ITPR2: variants seen among roughly 807,000 people sequenced by gnomAD.
ITPR2 encodes inositol 1,4,5-trisphosphate-gated calcium channel ITPR2.
A neutral mutation model predicts 317.1 loss-of-function variants in ITPR2; 207 were observed. That is an observed-to-expected ratio of 0.65 (90% CI 0.58 to 0.73). The LOEUF is 0.73. ITPR2 is among the 30% of genes least tolerant of loss of function. The pLI is 0.00. For missense variants in ITPR2, 2,613 were observed against 3,284.0 expected, an observed-to-expected ratio of 0.80 and a Z score of 4.99; for synonymous variants, 1,156 against 1,149.1, an observed-to-expected ratio of 1.01 and a Z score of -0.12.
chr12:26,491,504 A>AG lies in ITPR2; in HGVS notation c.5370+2648_5370+2649insC, dbSNP rs1351933796. Among the ~76,000 whole-genome samples, 43 of 149,616 alleles carry AG rather than the reference A, an allele frequency of 2.9e-4. No homozygotes were observed. In the Middle Eastern group the frequency reaches 0.017, roughly 61 times the overall value. ...TCTCAAAAAAAAAAAAAAAAAAAAA[A>AG]AAAAGGCATCTTTGAAGGCAACACG... On this transcript the variant is annotated intron_variant, in intron 39 of 56. Transcript: ENST00000381340.
intron 1 of ITPR2, among the ~76,000 whole-genome samples, chr12:26,799,164 T>C (rs1283425213): frequency 4.6e-5 from 7 of 152,328 alleles, no homozygotes; most frequent in Admixed American, 4.6e-4. Flanking sequence ...TCACTCAGAG[T>C]TAGAATTGTG....
At chr12:26,528,535 T>C (rs1382282693) in intron 37 of ITPR2, among the ~76,000 whole-genome samples, 4 of 152,212 alleles carry the variant, frequency 2.6e-5, no homozygotes, top group Admixed American at 2.0e-4. Flanking sequence ...ACTGAAAACC[T>C]GCTCAAAATA....
At chr12:26,679,825 C>T (rs563190046) in intron 13 of ITPR2, among the ~76,000 whole-genome samples, 2 of 152,202 alleles carry the variant, frequency 1.3e-5, no homozygotes, top group Non-Finnish European at 2.9e-5. Context: ...CTCCATGTCG[C>T]TTCAAGTCCA....
chr12:26,662,047 G>C (rs973050956), intron 15 of ITPR2, among the ~76,000 whole-genome samples: 3 of 152,108 alleles, frequency 2.0e-5, no homozygotes, highest in Admixed American at 6.5e-5. Flanking sequence ...TTAAGGATTT[G>C]TTTATATCAC....
chr12:26,413,176 A>C (rs1351569226), intron 51 of ITPR2, among the ~76,000 whole-genome samples: 1 of 152,252 alleles, frequency 6.6e-6, no homozygotes, highest in Non-Finnish European at 1.5e-5. Flanking sequence ...AACATTGCTC[A>C]AGTGGCAGCT....
chr12:26,629,402 C>T (rs1190835527), intron 22 of ITPR2, among the ~76,000 whole-genome samples: 1 of 152,166 alleles, frequency 6.6e-6, no homozygotes, highest in Non-Finnish European at 1.5e-5. Context: ...GCCTGGGCAA[C>T]ATGGCGAAGT....
chr12:26,378,118 A>C (rs951719424), intron 55 of ITPR2, among the ~76,000 whole-genome samples: 3 of 152,140 alleles, frequency 2.0e-5, no homozygotes, highest in African/African-American at 7.2e-5. Flanking sequence ...ACAAAGCAGA[A>C]GTGTAAATGC....
chr12:26,357,850 C>A (rs751159341), intron 55 of ITPR2, among the ~76,000 whole-genome samples: 5 of 152,158 alleles, frequency 3.3e-5, no homozygotes, highest in Non-Finnish European at 7.4e-5. Context: ...CTGCCCATGG[C>A]CAGAGGGGAA....
rs914322585 is a variant in ITPR2 at position 26,831,043 on chromosome 12, A to T, written c.92+1647T>A. Among the ~76,000 whole-genome samples the T allele has an allele frequency of 2.0e-5, 3 of 152,030 alleles. No homozygotes were observed. Among genetic ancestry groups the T allele is most frequent in the Admixed American group, 6.6e-5 (1 of 15,234 alleles). On this transcript the variant is annotated intron_variant, in intron 1 of 56. Coordinates refer to ENST00000381340, the MANE Select transcript of ITPR2 (RefSeq NM_002223.4). The surrounding 1 kb of genome is among the most constrained non-coding windows in gnomAD (Gnocchi z 4.9). The stretch of plus-strand genomic sequence containing the variant: ...AAACCCCAAGTATTCTGTCCATGGA[A>T]CCCCCTCTGCTTAACTACTACATCA...
At chr12:26,433,090 G>T (rs1311251717) in intron 48 of ITPR2, among the ~76,000 whole-genome samples, 1 of 152,198 alleles carries the variant, frequency 6.6e-6, no homozygotes, top group Non-Finnish European at 1.5e-5. Flanking sequence ...AACAGATTAA[G>T]ACTAAGCTAA....
At chr12:26,421,994 A>C (rs926537207) in intron 49 of ITPR2, among the ~76,000 whole-genome samples, 9 of 146,818 alleles carry the variant, frequency 6.1e-5, no homozygotes, top group Admixed American at 5.6e-4. Flanking sequence ...TTCTAAAAAA[A>C]AAAGCAAAAT....
At chr12:26,472,757 T>C (rs1226994899) in intron 45 of ITPR2, among the ~76,000 whole-genome samples, 1 of 152,262 alleles carries the variant, frequency 6.6e-6, no homozygotes, top group East Asian at 1.9e-4. Context: ...GGTTGCTTTA[T>C]GTTTTCTATC....
At chr12:26,640,776 A>G (rs1239060450) in intron 21 of ITPR2, among the ~76,000 whole-genome samples, 1 of 152,228 alleles carries the variant, frequency 6.6e-6, no homozygotes, top group African/African-American at 2.4e-5. Flanking sequence ...TTGTGCTTCA[A>G]ATGCATAAAT....
At chr12:26,516,882 C>A (rs961092976) in intron 37 of ITPR2, among the ~76,000 whole-genome samples, 1 of 149,796 alleles carries the variant, frequency 6.7e-6, no homozygotes, top group Non-Finnish European at 1.5e-5. Context: ...TAAAAGAGAA[C>A]GTAAAAGAAA....
chr12:26,690,357 GGCAA>G (rs755998558), intron 10 of ITPR2, among the ~76,000 whole-genome samples: 105,869 of 151,294 alleles, frequency 0.7, 37,232 homozygotes, highest in East Asian at 0.78. Context: ...AGCAATAAAT[GGCAA>G]GCGCCAGTCT....
chr12:26,580,211 C>T (rs970859869), intron 32 of ITPR2, 56 bp from the exon 33 acceptor site: 1 of 1,541,722 alleles, frequency 6.5e-7, no homozygotes, highest in African/African-American at 1.4e-5. Context: ...AACCACAATT[C>T]AGTATTGGAA....
At chr12:26,513,983 C>T (rs1943427259) in intron 37 of ITPR2, among the ~76,000 whole-genome samples, 1 of 152,176 alleles carries the variant, frequency 6.6e-6, no homozygotes, top group Middle Eastern at 3.2e-3. Flanking sequence ...GAAAATATTT[C>T]CCTTTCACAA....
intron 32 of ITPR2, among the ~76,000 whole-genome samples, chr12:26,588,914 T>G (rs1382972984): frequency 6.6e-6 from 1 of 152,142 alleles, no homozygotes; most frequent in Non-Finnish European, 1.5e-5. Context: ...GATAGCAAAA[T>G]TGGAAACATC....
chr12:26,724,886 G>A, intron 3 of ITPR2, 144 bp from the exon 4 acceptor site: 1 of 564,376 alleles, frequency 1.8e-6, no homozygotes, highest in Non-Finnish European at 3.1e-6. Flanking sequence ...CTTAGTTTAG[G>A]TGTTTTGTTT....
Sources: allele counts gnomAD v4.1 joint callset (sites outside exome capture counted in the v4.1 genomes callset), GRCh38; gene constraint gnomAD v4.1.1; non-coding constraint Gnocchi (gnomAD v3.1); transcripts MANE v1.5; gene names NCBI Gene and HGNC (gene_info 2026-07-23, HGNC 2026-07-21).